Variants in PARP11 observed in about 807,000 individuals in gnomAD.
PARP11 encodes the protein poly(ADP-ribose) polymerase family member 11.
Under a neutral mutation model 42.9 loss-of-function variants are expected in PARP11, and 31 were observed. That is an observed-to-expected ratio of 0.72 (90% CI 0.54 to 0.98). The LOEUF (loss-of-function observed/expected upper bound fraction) is 0.98. Ranked by LOEUF, PARP11 falls within the 50% of genes least tolerant of loss-of-function variation. The probability of loss-of-function intolerance (pLI) is 0.00; values close to 1 mark genes in which losing one functional copy is unlikely to be tolerated. For synonymous variants in PARP11, 137 were observed against 127.3 expected (o/e 1.08, Z -0.51); for missense variants, 365 against 413.1 (o/e 0.88, Z 1.01).
chr12:3,851,736 T>A (rs1056328291), intron 1 of PARP11, among the ~76,000 whole-genome samples: 1 of 152,240 alleles, frequency 6.6e-6, no homozygotes, highest in Non-Finnish European at 1.5e-5. Context: ...TGTCCGTGTC[T>A]GACAGCTCAG....
At chr12:3,844,414 ACTTTCAGCTTATG>A (rs1947957431) in intron 1 of PARP11, among the ~76,000 whole-genome samples, 1 of 152,216 alleles carries the variant, frequency 6.6e-6, no homozygotes, top group Non-Finnish European at 1.5e-5. Flanking sequence ...AGGGTCCTCC[ACTTTCAGCTTATG>A]CTTTTTTTTG....
At chr12:3,813,504 G>C (rs1433458023) in intron 7 of PARP11, among the ~76,000 whole-genome samples, 5 of 152,212 alleles carry the variant, frequency 3.3e-5, no homozygotes, top group Non-Finnish European at 7.4e-5. Flanking sequence ...GAATTGCAAA[G>C]TCTCATATTT....
In PARP11 at chr12:3,840,885, T is replaced by A; in HGVS notation, c.19-10867A>T. ...CAGCAGAACATGTGTCTTTGTCAAA[T>A]CCAGCTCCCCTTCTAGTTTCTCCAG... On this transcript the variant is annotated intron_variant, in intron 1 of 7. Coordinates refer to ENST00000228820, the MANE Select transcript of PARP11 (RefSeq NM_020367.6). The surrounding 1 kb of genome is among the most constrained non-coding windows in gnomAD (Gnocchi z 4.4). The A allele has an allele frequency of 6.2e-7, 1 of 1,601,170 alleles. No homozygotes were observed. Among genetic ancestry groups the A allele is most frequent in the Non-Finnish European group, 8.6e-7 (1 of 1,168,146 alleles).
intron 1 of PARP11, among the ~76,000 whole-genome samples, chr12:3,847,894 A>G (rs1948031433): frequency 6.6e-6 from 1 of 152,186 alleles, no homozygotes; most frequent in East Asian, 1.9e-4. Flanking sequence ...TGTTGACAGA[A>G]GACATAATCC....
intron 1 of PARP11, among the ~76,000 whole-genome samples, chr12:3,833,701 A>G (rs1406533611): frequency 1.3e-5 from 2 of 152,244 alleles, no homozygotes; most frequent in African/African-American, 4.8e-5. Flanking sequence ...CAAAAAGTGG[A>G]GAAACATTCA....
intron 4 of PARP11, among the ~76,000 whole-genome samples, chr12:3,825,176 G>A (rs964923998): frequency 6.6e-6 from 1 of 151,678 alleles, no homozygotes; most frequent in East Asian, 1.9e-4. Context: ...TGCTTGAAGA[G>A]TCATTTTAGA....
At position 3,830,116 on chromosome 12, in the gene PARP11, AGT is replaced by A. The variant is rs1165373918; in HGVS notation, c.19-100_19-99del. On this transcript the variant is annotated intron_variant, in intron 1 of 7. Coordinates refer to ENST00000228820, the MANE Select transcript of PARP11 (RefSeq NM_020367.6). ...ACTTCTTTACAAAGAGTGGTATTCA[AGT>A]GTCTTTCCTCCCATGACACTTTAAA... is the stretch of plus-strand genomic sequence containing the variant. 3.7e-6 allele frequency: 4 copies of A among 1,092,246 alleles called. No individual in the cohort carries two copies. In the Admixed American group the frequency reaches 6.3e-5, roughly 17 times the overall value. The allele number at this position is 1,092,246 out of a possible 1,614,324, so 67.7% of individuals were successfully genotyped here. A position where few individuals can be genotyped will look rare whatever the true frequency, so the allele number is the denominator to read the frequency against.
At chr12:3,825,469 A>G (rs1947500319) in intron 4 of PARP11, among the ~76,000 whole-genome samples, 1 of 152,186 alleles carries the variant, frequency 6.6e-6, no homozygotes, top group South Asian at 2.1e-4. Context: ...GTGAACAACT[A>G]CCTAATTCTT....
intron 1 of PARP11, among the ~76,000 whole-genome samples, chr12:3,838,906 C>T (rs184263066): frequency 6.6e-6 from 1 of 152,096 alleles, no homozygotes. Flanking sequence ...GCGCCTGGGG[C>T]GGGGCTTTTC....
rs1296204230 is a variant in PARP11, at chr12:3,812,253, C to T, written c.887G>A (p.Arg296Gln). The T allele has an allele frequency of 3.7e-6, 6 of 1,614,114 alleles. No homozygotes were observed. The highest frequency in any genetic ancestry group is 1.1e-5 in the South Asian group (1 of 91,078). Residue 296 changes from arginine to glutamine, a missense_variant, in exon 8 of 8, where the codon CGA becomes CAA. Arg to Gln is a conservative substitution (Grantham distance 43, BLOSUM62 1). Transcript: ENST00000228820. Reference sequence around the variant, plus strand: ...ATAGCTCCCGTCTTTGGAAGGAGGTCGCATGTATTTGGAGTCTCCGTTTAT... The same window carrying T: ...ATAGCTCCCGTCTTTGGAAGGAGGTTGCATGTATTTGGAGTCTCCGTTTAT... ...DYINGDSKYMRPPSKDGSYVN... is the reference protein window; with the variant it reads ...DYINGDSKYMQPPSKDGSYVN...
rs1192987432 is a variant in PARP11 at position 3,842,035 on chromosome 12, C to T, written c.19-12017G>A. The T allele has an allele frequency of 1.8e-5, 29 of 1,611,480 alleles. No individual in the cohort carries two copies. In the South Asian group the frequency reaches 3.2e-4, roughly 18 times the overall value. On this transcript the variant is annotated intron_variant, in intron 1 of 7. Transcript: ENST00000228820. ...AGATATGGCATTGGCTTCCATCCCT[C>T]CTGTAGCAGAGGGAAAGGCTCACCC...
At position 3,828,937 on chromosome 12, in the gene PARP11, T is replaced by TG. The variant is rs1468579178; in HGVS notation, c.240dup (p.Lys81GlnfsTer39). 1 of 1,614,110 alleles carries TG rather than the reference T, an allele frequency of 6.2e-7. No individual in the cohort carries two copies. Among genetic ancestry groups the TG allele is most frequent in the Non-Finnish European group, 8.5e-7 (1 of 1,179,970 alleles). On this transcript the variant is annotated frameshift_variant, in exon 3 of 8. Transcript: ENST00000228820. LOFTEE classifies it high-confidence loss of function. ...GCAAAGTCTATCTTGTAGCTGAATTTGGAAGTAGTAAAAGAAATGGAGCCA... is the reference window on the plus strand; with the variant it reads ...GCAAAGTCTATCTTGTAGCTGAATTTGGGAAGTAGTAAAAGAAATGGAGCCA...
chr12:3,814,870 AT>A (rs1248089622), intron 6 of PARP11: 1 of 271,714 alleles, frequency 3.7e-6, no homozygotes, highest in Non-Finnish European at 7.5e-6. Flanking sequence ...ATCTTAAAAA[AT>A]AATATTGAAT....
intron 1 of PARP11, among the ~76,000 whole-genome samples, chr12:3,846,787 A>G (rs1319995811): frequency 6.6e-6 from 1 of 150,964 alleles, no homozygotes; most frequent in Non-Finnish European, 1.5e-5. Context: ...GAAAAAAGAA[A>G]TAGAAAACTT....
At chr12:3,822,425 C>T (rs1947416281) in intron 4 of PARP11, among the ~76,000 whole-genome samples, 1 of 144,344 alleles carries the variant, frequency 6.9e-6, no homozygotes, top group South Asian at 2.2e-4. Context: ...GGTGAAACCC[C>T]GTCTCTACTA....
intron 1 of PARP11, among the ~76,000 whole-genome samples, chr12:3,867,448 C>T (rs1344516136): frequency 6.6e-6 from 1 of 152,186 alleles, no homozygotes; most frequent in Non-Finnish European, 1.5e-5. Context: ...CTTCATAATG[C>T]TGACAATACC....
chr12:3,857,106 A>G (rs1948205212), intron 1 of PARP11, among the ~76,000 whole-genome samples: 1 of 150,022 alleles, frequency 6.7e-6, no homozygotes, highest in African/African-American at 2.5e-5. Flanking sequence ...GGCAGGGAAC[A>G]TCACACACCA....
chr12:3,823,915 CAAAA>C (rs58303768), intron 4 of PARP11, among the ~76,000 whole-genome samples: 1 of 114,096 alleles, frequency 8.8e-6, no homozygotes. Context: ...GACTCTGTCT[CAAAA>C]AAAAAAAAAA....
chr12:3,838,972 G>A lies in PARP11; in HGVS notation c.19-8954C>T, dbSNP rs540267737. Among the ~76,000 whole-genome samples, 4 of 152,284 alleles carry A rather than the reference G, an allele frequency of 2.6e-5. No individual in the cohort carries two copies. The South Asian group carries it at 8.3e-4, about 32-fold the overall frequency. On this transcript the variant is annotated intron_variant, in intron 1 of 7. Transcript: ENST00000228820. ...TGTGGGGGCGGCGACCCCCGGCCTG[G>A]GTCCTGAGTCGGGCAGCGAGGCCGT...
Sources: gnomAD v4.1 joint callset for allele counts (sites outside exome capture counted in the v4.1 genomes callset) on GRCh38, gnomAD v4.1.1 for gene constraint, Gnocchi (gnomAD v3.1) non-coding constraint, MANE v1.5 for transcripts, NCBI Gene and HGNC (gene_info 2026-07-23, HGNC 2026-07-21) for gene names.